The following TAFA2 variants were observed in gnomAD, a reference collection of about 807,000 sequenced individuals.
The protein encoded by TAFA2 is chemokine-like protein TAFA-2.
A neutral mutation model predicts 18.8 loss-of-function variants in TAFA2; 7 were observed. That is an observed-to-expected ratio of 0.37 (90% CI 0.21 to 0.70). The LOEUF (loss-of-function observed/expected upper bound fraction) is 0.70, where lower values mean the gene tolerates loss of function less well. TAFA2 is among the 30% of genes least tolerant of loss of function. TAFA2 has a pLI of 0.53. For synonymous variants in TAFA2, 60 were observed against 54.2 expected (o/e 1.11, Z -0.47); for missense variants, 122 against 158.1 (o/e 0.77, Z 1.23).
intron 2 of TAFA2, 109 bp from the exon 3 acceptor site, chr12:61,755,133 A>G: frequency 1.0e-6 from 1 of 963,576 alleles, no homozygotes; most frequent in East Asian, 2.6e-5. Context: ...GGGGTCCACC[A>G]GGCATGAAAC....
chr12:61,877,920 T>TACACACACACACAC (rs1291038538), intron 1 of TAFA2, among the ~76,000 whole-genome samples: 6 of 141,530 alleles, frequency 4.2e-5, no homozygotes, highest in Non-Finnish European at 7.5e-5. Context: ...TATATATATA[T>TACACACACACACAC]ATATACACAC....
intron 4 of TAFA2, among the ~76,000 whole-genome samples, chr12:61,726,635 T>A (rs1351181896): frequency 6.6e-6 from 1 of 152,078 alleles, no homozygotes; most frequent in Non-Finnish European, 1.5e-5. Context: ...GCTTTTTGGA[T>A]GAGTCCTTAG....
At chr12:62,187,797 A>T (rs2062596233) in intron 1 of TAFA2, among the ~76,000 whole-genome samples, 1 of 152,176 alleles carries the variant, frequency 6.6e-6, no homozygotes, top group Non-Finnish European at 1.5e-5. Context: ...CTCACCTGTC[A>T]ATCTCCTGTT....
intron 2 of TAFA2, among the ~76,000 whole-genome samples, chr12:61,793,829 G>A (rs1156545036): frequency 6.6e-6 from 1 of 151,788 alleles, no homozygotes; most frequent in Non-Finnish European, 1.5e-5. Flanking sequence ...AAACATAGAT[G>A]CAAGAAGTTT....
chr12:62,217,238 G>A (rs1190219035), intron 1 of TAFA2, among the ~76,000 whole-genome samples: 1 of 152,186 alleles, frequency 6.6e-6, no homozygotes, highest in African/African-American at 2.4e-5. Context: ...TGGGCCATAT[G>A]ATCCAGCAGA....
intron 1 of TAFA2, among the ~76,000 whole-genome samples, chr12:61,934,111 G>A (rs1008549988): frequency 1.3e-5 from 2 of 152,032 alleles, no homozygotes; most frequent in Non-Finnish European, 1.5e-5. Flanking sequence ...ACAACATATC[G>A]CAAAACCTAA....
At chr12:62,153,176 T>G (rs949254698) in intron 1 of TAFA2, among the ~76,000 whole-genome samples, 5 of 152,136 alleles carry the variant, frequency 3.3e-5, no homozygotes, top group Admixed American at 1.3e-4. Context: ...AGTAAGGTGG[T>G]GACTACAACA....
intron 2 of TAFA2, among the ~76,000 whole-genome samples, chr12:61,854,611 G>A (rs1357908745): frequency 2.6e-5 from 4 of 151,760 alleles, no homozygotes; most frequent in Admixed American, 6.6e-5. Flanking sequence ...ACAATCAAAG[G>A]ATAAAGATTA....
At chr12:62,189,843 T>C (rs1024497122) in intron 1 of TAFA2, among the ~76,000 whole-genome samples, 5 of 152,086 alleles carry the variant, frequency 3.3e-5, no homozygotes, top group African/African-American at 1.2e-4. Flanking sequence ...ATTCAGTCAA[T>C]AGTAACTGAA....
intron 2 of TAFA2, among the ~76,000 whole-genome samples, chr12:61,861,416 A>AT (rs140861122): frequency 5.3e-5 from 8 of 151,620 alleles, no homozygotes; most frequent in Non-Finnish European, 8.8e-5. Flanking sequence ...CACCTGGATA[A>AT]TTTTTTTTAA....
chr12:61,799,873 A>G (rs1480403410), intron 2 of TAFA2, among the ~76,000 whole-genome samples: 1 of 152,126 alleles, frequency 6.6e-6, no homozygotes, highest in East Asian at 1.9e-4. Flanking sequence ...AAGGATCCAG[A>G]AGGTAAATTC....
At chr12:61,738,165 C>A (rs1868337856) in intron 4 of TAFA2, among the ~76,000 whole-genome samples, 1 of 151,862 alleles carries the variant, frequency 6.6e-6, no homozygotes, top group African/African-American at 2.4e-5. Context: ...TTAGTAATAG[C>A]AAAATGGGCA....
chr12:62,146,194 G>A lies in TAFA2; in HGVS notation c.-2+45065C>T, dbSNP rs181052555. On this transcript the variant is annotated intron_variant, in intron 1 of 4. Coordinates refer to ENST00000416284, the MANE Select transcript of TAFA2 (RefSeq NM_178539.5). ...TGGAGGCCCTCTCATCTCACCTCAA[G>A]AAGGGGAAGCACCTTAATTCTCCCA... Among the ~76,000 whole-genome samples, 442 of 151,824 alleles carry A rather than the reference G, an allele frequency of 2.9e-3. 1 individual carries two copies. Among genetic ancestry groups the A allele is most frequent in the Non-Finnish European group, 4.8e-3 (325 of 67,964 alleles).
chr12:62,208,984 T>C (rs1041455454), intron 1 of TAFA2, among the ~76,000 whole-genome samples: 7 of 152,196 alleles, frequency 4.6e-5, no homozygotes, highest in African/African-American at 1.7e-4. Flanking sequence ...TCCTCTTTCT[T>C]TCTGCCTGGT....
rs528024532 is a variant in TAFA2 at position 62,099,613 on chromosome 12, A to G, written c.-2+91646T>C. On this transcript the variant is annotated intron_variant, in intron 1 of 4. Coordinates refer to ENST00000416284, the MANE Select transcript of TAFA2 (RefSeq NM_178539.5). ...CTTCCAGTCGGAGAAATAGCAATGCAGTAAAATCTCATTGAGAATGGAGCA... is the reference window on the plus strand; with the variant it reads ...CTTCCAGTCGGAGAAATAGCAATGCGGTAAAATCTCATTGAGAATGGAGCA... 6.6e-5 allele frequency among the ~76,000 whole-genome samples: 10 copies of G among 152,336 alleles called. No individual in the cohort carries two copies. The East Asian group carries it at 1.7e-3, about 26-fold the overall frequency.
chr12:62,094,921 G>T (rs2136839908), intron 1 of TAFA2, among the ~76,000 whole-genome samples: 1 of 152,142 alleles, frequency 6.6e-6, no homozygotes, highest in South Asian at 2.1e-4. Context: ...AAGATAATAA[G>T]ATATGCAGAA....
At chr12:61,910,587 C>A (rs1413056739) in intron 1 of TAFA2, among the ~76,000 whole-genome samples, 2 of 152,154 alleles carry the variant, frequency 1.3e-5, no homozygotes, top group African/African-American at 4.8e-5. Flanking sequence ...ACAGCCCTGC[C>A]ATCAAGGAGC....
At position 61,984,696 on chromosome 12, in the gene TAFA2, A is replaced by G. The variant is rs551910980; in HGVS notation, c.-1-117270T>C. Among the ~76,000 whole-genome samples, 3 of 152,312 alleles carry G rather than the reference A, an allele frequency of 2.0e-5. No homozygotes were observed. The South Asian group carries it at 6.2e-4, about 32-fold the overall frequency. ...AAATAATCACAGTAGTAATGTAATC[A>G]ATGTGCATAAATTTCCACATGAACA... On this transcript the variant is annotated intron_variant, in intron 1 of 4. Transcript: ENST00000416284.
chr12:61,926,279 G>A (rs909225664), intron 1 of TAFA2, among the ~76,000 whole-genome samples: 6 of 152,214 alleles, frequency 3.9e-5, no homozygotes, highest in Admixed American at 3.9e-4. Flanking sequence ...AGAGGAGCTG[G>A]TACCATTCCT....
Sources: gnomAD v4.1 joint callset for allele counts (sites outside exome capture counted in the v4.1 genomes callset) on GRCh38, gnomAD v4.1.1 for gene constraint, MANE v1.5 for transcripts, NCBI Gene and HGNC (gene_info 2026-07-23, HGNC 2026-07-21) for gene names.